IARS1: variants seen among roughly 807,000 people sequenced by gnomAD.
IARS1 encodes isoleucyl-tRNA synthetase 1, also known as isoleucine--tRNA ligase, cytoplasmic.
IARS1 carries 124 observed loss-of-function variants against 168.2 expected under a neutral mutation model. The observed-to-expected ratio is 0.74, with a 90% CI of 0.64 to 0.86. The LOEUF (loss-of-function observed/expected upper bound fraction) is 0.86. Ranked by LOEUF, IARS1 falls within the 40% of genes least tolerant of loss-of-function variation. The probability of loss-of-function intolerance (pLI) is 0.00; values close to 1 mark genes in which losing one functional copy is unlikely to be tolerated. For missense variants in IARS1, 1,452 were observed against 1,515.8 expected, an observed-to-expected ratio of 0.96 and a Z score of 0.70; for synonymous variants, 532 against 529.4, an observed-to-expected ratio of 1.00 and a Z score of -0.07.
Position 92,242,274 on chromosome 9 carries a change from TC to T in IARS1, c.3056del (p.Gly1019GlufsTer4). 1 of 1,614,010 alleles carries T rather than the reference TC, an allele frequency of 6.2e-7. No individual in the cohort carries two copies. Among genetic ancestry groups the T allele is most frequent in the Non-Finnish European group, 8.5e-7 (1 of 1,179,842 alleles). On this transcript the variant is annotated frameshift_variant, in exon 29 of 34. Coordinates refer to ENST00000443024, the MANE Select transcript of IARS1 (RefSeq NM_002161.6). LOFTEE classifies it high-confidence loss of function. ...ITVYYKAKSE[G>X]TYLNSVIESH... ...TTTCAATAACACTATTCAGATATGT[TC>T]CTTCAGACTTTGCTTTATAGTACAC...
intron 31 of IARS1, among the ~76,000 whole-genome samples, chr9:92,226,896 C>G (rs1825785009): frequency 7.0e-6 from 1 of 143,008 alleles, no homozygotes; most frequent in African/African-American, 2.6e-5. Flanking sequence ...GAGGGAAGGT[C>G]AGCAGATAAA....
At chr9:92,262,896 C>T (rs1272972648) in intron 17 of IARS1, 73 bp downstream of exon 17, 25 of 1,053,160 alleles carry the variant, frequency 2.4e-5, no homozygotes, top group Non-Finnish European at 3.2e-5. Context: ...CAAAGTTGAC[C>T]GCTCTCACGC....
At chr9:92,226,785 T>C (rs539962182) in intron 31 of IARS1, among the ~76,000 whole-genome samples, 20 of 152,160 alleles carry the variant, frequency 1.3e-4, no homozygotes, top group Non-Finnish European at 2.6e-4. Flanking sequence ...CGTGTGTTTC[T>C]ATGTCTTCAC....
At chr9:92,270,042 A>G in intron 12 of IARS1, 59 bp from the exon 13 acceptor site, 1 of 1,029,038 alleles carries the variant, frequency 9.7e-7, no homozygotes, top group African/African-American at 1.6e-5. Context: ...GCACTACGGT[A>G]AGACTGACTT....
chr9:92,211,450 T>C (rs1174153531), intron 33 of IARS1, among the ~76,000 whole-genome samples: 1 of 152,184 alleles, frequency 6.6e-6, no homozygotes, highest in Non-Finnish European at 1.5e-5. Flanking sequence ...TGAGTCCTCC[T>C]AGCAGGTTAC....
At chr9:92,255,903 T>C (rs1830648082) in intron 20 of IARS1, among the ~76,000 whole-genome samples, 1 of 152,154 alleles carries the variant, frequency 6.6e-6, no homozygotes, top group African/African-American at 2.4e-5. Context: ...AACACAAAGA[T>C]ATGATAAATG....
chr9:92,266,640 AAG>A lies in IARS1; in HGVS notation c.1432-1089_1432-1088del, dbSNP rs1454907561. Among the ~76,000 whole-genome samples the A allele has an allele frequency of 2.0e-5, 3 of 152,194 alleles. No homozygotes were observed. In the East Asian group the frequency reaches 5.8e-4, roughly 29 times the overall value. ...TGGGTCACAGGGTGGATCCCTCGTG[AAG>A]AGACCAATGCTCTCCTTCTGCAGTG... On this transcript the variant is annotated intron_variant, in intron 14 of 33. Coordinates refer to ENST00000443024, the MANE Select transcript of IARS1 (RefSeq NM_002161.6).
intron 32 of IARS1, among the ~76,000 whole-genome samples, chr9:92,223,099 T>C (rs1839896755): frequency 6.6e-6 from 1 of 152,230 alleles, no homozygotes; most frequent in Non-Finnish European, 1.5e-5. Flanking sequence ...TAAAATGTTT[T>C]GGCACTCAAA....
At position 92,242,154 on chromosome 9, in the gene IARS1, C is replaced by T. The variant is rs751212279; in HGVS notation, c.3177G>A (p.Gln1059=). The T allele has an allele frequency of 1.9e-6, 3 of 1,612,628 alleles. No individual in the cohort carries two copies. The East Asian group carries it at 6.7e-5, about 36-fold the overall frequency. Reference sequence around the variant, plus strand: ...TAGTTCAGTGGAACTCAGGACTCACCTGTGTTTTTTCTTGAATAAGGACTT... The same window carrying T: ...TAGTTCAGTGGAACTCAGGACTCACTTGTGTTTTTTCTTGAATAAGGACTT... The part of the protein sequence containing the change: ...SDKVLIQEKT[Q]LKGSELEITL... Residue 1059 remains glutamine, a splice_region_variant and synonymous_variant, in exon 29 of 34, where the codon CAG becomes CAA. Transcript: ENST00000443024.
intron 33 of IARS1, among the ~76,000 whole-genome samples, chr9:92,215,320 GAA>G (rs1314510809): frequency 6.6e-6 from 1 of 152,018 alleles, no homozygotes. Flanking sequence ...CAAAGATGGG[GAA>G]AAAACAGAAC....
chr9:92,243,310 G>C lies in IARS1; in HGVS notation c.2906C>G (p.Ala969Gly). The C allele has an allele frequency of 1.9e-6, 3 of 1,608,980 alleles. No individual in the cohort carries two copies. The highest frequency in any genetic ancestry group is 2.6e-6 in the Non-Finnish European group (3 of 1,175,480). ...AQFEAHSDAQ[A>G]LVLLDVTPDQ... is the part of the protein sequence containing the mutation. The stretch of plus-strand genomic sequence containing the variant: ...AGGAGTGACATCTAAGAGGACCAAA[G>C]CCTGTGGGAATGAACAGTGCACACC... The change falls in exon 28 of 34, where the codon GCT becomes GGT. Residue 969 changes from alanine (A) to glycine (G), a missense_variant and splice_region_variant. By Grantham distance (60) the Ala-to-Gly change is moderately conservative. Coordinates refer to ENST00000443024, the MANE Select transcript of IARS1 (RefSeq NM_002161.6).
chr9:92,236,552 AG>A (rs767689394), intron 30 of IARS1, among the ~76,000 whole-genome samples: 2 of 152,220 alleles, frequency 1.3e-5, no homozygotes, highest in Non-Finnish European at 2.9e-5. Flanking sequence ...TTTTAGAAAC[AG>A]GGTTCACTTC....
chr9:92,285,774 G>A lies in IARS1; in HGVS notation c.545C>T (p.Ser182Phe). The part of the protein sequence containing the change: ...VYRGVKVMPF[S>F]TACNTPLSNF... Reference sequence around the variant, plus strand: ...GGAAAGTGGAGTGTTACATGCCGTAGAGAAGGGCATGACTTTCACACCTCT... The same window carrying A: ...GGAAAGTGGAGTGTTACATGCCGTAAAGAAGGGCATGACTTTCACACCTCT... Residue 182 changes from serine (S) to phenylalanine (F), a missense_variant, in exon 6 of 34, where the codon TCT becomes TTT. Ser to Phe is a radical substitution (Grantham distance 155). Transcript: ENST00000443024. The A allele has an allele frequency of 6.2e-7, 1 of 1,613,570 alleles. No individual in the cohort carries two copies. Among genetic ancestry groups the A allele is most frequent in the Non-Finnish European group, 8.5e-7 (1 of 1,179,480 alleles).
chr9:92,257,017 A>T (rs1393837788), intron 19 of IARS1, among the ~76,000 whole-genome samples: 1 of 152,252 alleles, frequency 6.6e-6, no homozygotes, highest in Non-Finnish European at 1.5e-5. Flanking sequence ...TAAACTGAAG[A>T]GAGTTTAGGA....
At chr9:92,277,817 T>C in intron 9 of IARS1, 46 bp downstream of exon 9, 1 of 1,514,684 alleles carries the variant, frequency 6.6e-7, no homozygotes, top group Non-Finnish European at 9.1e-7. Context: ...AGCTATCAAA[T>C]AATCAGATTG....
chr9:92,242,561 C>T, intron 28 of IARS1: 1 of 504,758 alleles, frequency 2.0e-6, no homozygotes, highest in South Asian at 2.8e-5. Context: ...TTTCCTAGAA[C>T]AATCAGTACC....
chr9:92,217,934 A>G (rs924640792), intron 33 of IARS1, among the ~76,000 whole-genome samples: 1 of 152,190 alleles, frequency 6.6e-6, no homozygotes, highest in African/African-American at 2.4e-5. Flanking sequence ...TGAGGCCAGC[A>G]TCATTCTGAT....
chr9:92,245,581 T>C (rs1829061643), intron 26 of IARS1, among the ~76,000 whole-genome samples: 1 of 152,156 alleles, frequency 6.6e-6, no homozygotes, highest in South Asian at 2.1e-4. Flanking sequence ...CTGCTGATGT[T>C]AACACCCCCG....
intron 8 of IARS1, 101 bp downstream of exon 8, chr9:92,278,098 T>C: frequency 9.2e-7 from 1 of 1,084,094 alleles, no homozygotes; most frequent in Non-Finnish European, 1.4e-6. Flanking sequence ...TAAATTTGAA[T>C]AATGCAAGCT....
Sources: allele counts gnomAD v4.1 joint callset (sites outside exome capture counted in the v4.1 genomes callset), GRCh38; gene constraint gnomAD v4.1.1; transcripts MANE v1.5; gene names NCBI Gene and HGNC (gene_info 2026-07-23, HGNC 2026-07-21).